Variants in TANGO6 observed in about 807,000 individuals in gnomAD.
TANGO6 encodes transport and Golgi organization protein 6 homolog.
A neutral mutation model predicts 114.2 loss-of-function variants in TANGO6; 90 were observed. That is an observed-to-expected ratio of 0.79 (90% CI 0.66 to 0.94). TANGO6 has a LOEUF of 0.94. Among genes scored for constraint, TANGO6 ranks in the 40% least tolerant of loss-of-function variants. The pLI is 0.00. For missense variants in TANGO6, 1,274 were observed against 1,315.3 expected, an observed-to-expected ratio of 0.97 and a Z score of 0.49; for synonymous variants, 477 against 509.8, an observed-to-expected ratio of 0.94 and a Z score of 0.87.
intron 15 of TANGO6, among the ~76,000 whole-genome samples, chr16:69,006,622 G>A (rs760300364): frequency 1.3e-5 from 2 of 151,888 alleles, no homozygotes; most frequent in South Asian, 2.1e-4. Flanking sequence ...ATGGTGGCAC[G>A]CGCCTGTAAT....
In TANGO6 at chr16:68,927,592, C is replaced by G; in HGVS notation, c.2152C>G (p.Leu718Val). Residue 718 changes from leucine (L) to valine (V), a missense_variant, in exon 13 of 18, where the codon CTG (leucine) becomes GTG (valine). By Grantham distance (32) the Leu-to-Val change is conservative. Coordinates refer to ENST00000261778, the MANE Select transcript of TANGO6 (RefSeq NM_024562.2). The stretch of plus-strand genomic sequence containing the variant: ...GTTGAAGTCAAGTGATTTTGCTGTT[C>G]TGAAGCAGTTGTTGCCTCTGTTGGA... ...VQLKSSDFAV[L>V]KQLLPLLEKV... is the part of the protein sequence containing the mutation. 1 of 1,613,522 alleles carries G rather than the reference C, an allele frequency of 6.2e-7. No homozygotes were observed. Among genetic ancestry groups the G allele is most frequent in the Non-Finnish European group, 8.5e-7 (1 of 1,179,560 alleles).
intron 7 of TANGO6, among the ~76,000 whole-genome samples, chr16:68,883,303 A>G (rs984334060): frequency 6.6e-6 from 1 of 152,248 alleles, no homozygotes; most frequent in Non-Finnish European, 1.5e-5. Context: ...GGAGTTCAAG[A>G]CCAGCCTGGC....
intron 7 of TANGO6, among the ~76,000 whole-genome samples, chr16:68,898,874 GA>G (rs1319779042): frequency 1.3e-5 from 2 of 151,810 alleles, no homozygotes; most frequent in African/African-American, 2.4e-5. Context: ...ATTACATTTT[GA>G]AATCCTATTG....
At chr16:69,038,194 C>T (rs1421189930) in intron 16 of TANGO6, among the ~76,000 whole-genome samples, 1 of 151,834 alleles carries the variant, frequency 6.6e-6, no homozygotes, top group Non-Finnish European at 1.5e-5. Flanking sequence ...TTTGGGAGGC[C>T]GAGGCAGGCA....
chr16:68,915,882 T>C (rs1168754732), intron 11 of TANGO6, among the ~76,000 whole-genome samples: 1 of 152,204 alleles, frequency 6.6e-6, no homozygotes, highest in East Asian at 1.9e-4. Context: ...CAAGCTTGCA[T>C]GTTATTTGGA....
intron 14 of TANGO6, among the ~76,000 whole-genome samples, chr16:68,930,566 C>A (rs898287198): frequency 3.3e-5 from 5 of 151,314 alleles, no homozygotes; most frequent in Admixed American, 6.6e-5. Flanking sequence ...TCCTCTAATT[C>A]AAGGAGGTAA....
intron 6 of TANGO6, among the ~76,000 whole-genome samples, chr16:68,879,156 T>A (rs74635048): frequency 0.12 from 17,954 of 152,112 alleles, 1,204 homozygotes; most frequent in Non-Finnish European, 0.16. Flanking sequence ...AACTTTTTTT[T>A]AAATTTTTAT....
chr16:68,956,562 T>C (rs1567547967), intron 14 of TANGO6, among the ~76,000 whole-genome samples: 1 of 152,054 alleles, frequency 6.6e-6, no homozygotes, highest in African/African-American at 2.4e-5. Context: ...AAAGAAAACC[T>C]CTATCTGAGG....
At chr16:68,894,381 A>G (rs752479460) in intron 7 of TANGO6, among the ~76,000 whole-genome samples, 32 of 152,134 alleles carry the variant, frequency 2.1e-4, no homozygotes, top group Non-Finnish European at 4.4e-4. Context: ...AGATTGGAAG[A>G]AGGGGGCTGT....
chr16:68,902,967 T>G (rs1962804134), intron 9 of TANGO6, among the ~76,000 whole-genome samples: 1 of 152,212 alleles, frequency 6.6e-6, no homozygotes, highest in Non-Finnish European at 1.5e-5. Context: ...AGAAAGTGCT[T>G]AATAAATATT....
intron 17 of TANGO6, among the ~76,000 whole-genome samples, chr16:69,080,838 G>A (rs1960452871): frequency 2.6e-5 from 4 of 152,008 alleles, no homozygotes; most frequent in Admixed American, 2.6e-4. Flanking sequence ...TATAAGATGG[G>A]GCTAATAACC....
chr16:68,959,949 A>G (rs1963573002), intron 14 of TANGO6, among the ~76,000 whole-genome samples: 1 of 152,178 alleles, frequency 6.6e-6, no homozygotes, highest in African/African-American at 2.4e-5. Context: ...TACCTGGACC[A>G]CCCATCTCAG....
chr16:68,855,215 AT>A (rs1222641272), intron 1 of TANGO6, among the ~76,000 whole-genome samples: 2 of 151,762 alleles, frequency 1.3e-5, no homozygotes, highest in Non-Finnish European at 2.9e-5. Flanking sequence ...TCAAAAAAAA[AT>A]AAAACATAAA....
At chr16:69,057,874 T>C (rs941023165) in intron 17 of TANGO6, among the ~76,000 whole-genome samples, 11 of 152,144 alleles carry the variant, frequency 7.2e-5, no homozygotes, top group Admixed American at 7.2e-4. Context: ...CCCTTCCTCA[T>C]GCTCCCCTAC....
At chr16:69,039,499 G>T (rs940020858) in intron 16 of TANGO6, among the ~76,000 whole-genome samples, 1 of 151,806 alleles carries the variant, frequency 6.6e-6, no homozygotes, top group Non-Finnish European at 1.5e-5. Flanking sequence ...AGCCAGGCAT[G>T]GTGGCGCACA....
chr16:68,923,343 C>T (rs1005544162), intron 12 of TANGO6, among the ~76,000 whole-genome samples: 1 of 152,026 alleles, frequency 6.6e-6, no homozygotes, highest in African/African-American at 2.4e-5. Flanking sequence ...GTTTTAGGTG[C>T]TGCTGACTTA....
chr16:68,880,394 G>GT (rs1156761334), intron 6 of TANGO6, among the ~76,000 whole-genome samples, 154 bp from the exon 7 acceptor site: 2 of 152,202 alleles, frequency 1.3e-5, no homozygotes, highest in East Asian at 3.8e-4. Flanking sequence ...TCCATGAAAT[G>GT]TGTATGAATT....
At chr16:68,920,485 ATG>A (rs759242604) in intron 12 of TANGO6, among the ~76,000 whole-genome samples, 134 of 152,292 alleles carry the variant, frequency 8.8e-4, no homozygotes, top group Non-Finnish European at 1.4e-3. Flanking sequence ...TAGACCATGC[ATG>A]TGTGTGTGAC....
rs34350425 is a variant in TANGO6 at position 69,020,904 on chromosome 16, ATGTGTGTGTG to A, written c.2843-1895_2843-1886del. 2.5e-4 allele frequency among the ~76,000 whole-genome samples: 22 copies of A among 87,366 alleles called. No homozygotes were observed. The South Asian group carries it at 2.6e-3, about 10-fold the overall frequency. 57.3% of individuals were successfully genotyped at this position (87,366 alleles called of 152,430 possible). A position where few individuals can be genotyped will look rare whatever the true frequency, so the allele number is the denominator to read the frequency against. ...CCACCCCCCCTTTATATATGTATGT[ATGTGTGTGTG>A]TGTGTGTGTGTGTGTGTGTGTGTGT... On this transcript the variant is annotated intron_variant, in intron 15 of 17. Transcript: ENST00000261778.
Sources: gnomAD v4.1 joint callset for allele counts (sites outside exome capture counted in the v4.1 genomes callset) on GRCh38, gnomAD v4.1.1 for gene constraint, MANE v1.5 for transcripts, NCBI Gene and HGNC (gene_info 2026-07-23, HGNC 2026-07-21) for gene names.